Variants in PDE8B observed in about 807,000 individuals in gnomAD.
The protein encoded by PDE8B is high affinity cAMP-specific and IBMX-insensitive 3',5'-cyclic phosphodiesterase 8B.
Under a neutral mutation model 101.3 loss-of-function variants are expected in PDE8B, and 26 were observed. The observed-to-expected ratio is 0.26, with a 90% CI of 0.19 to 0.36. The LOEUF (loss-of-function observed/expected upper bound fraction) is 0.36, where lower values mean the gene tolerates loss of function less well. PDE8B is among the 10% of genes least tolerant of loss of function. The pLI, the probability that PDE8B is intolerant of heterozygous loss-of-function variation, is 1.00. For missense variants in PDE8B, 810 were observed against 1,163.1 expected, an observed-to-expected ratio of 0.70 and a Z score of 4.42; for synonymous variants, 424 against 429.3, an observed-to-expected ratio of 0.99 and a Z score of 0.15.
intron 17 of PDE8B, among the ~76,000 whole-genome samples, chr5:77,416,651 G>A (rs962449692): frequency 1.6e-4 from 25 of 152,240 alleles, no homozygotes; most frequent in African/African-American, 5.8e-4. Flanking sequence ...GGTCAGCGTT[G>A]GGAATGGAAA....
intron 8 of PDE8B, among the ~76,000 whole-genome samples, chr5:77,350,430 G>C (rs1780873331): frequency 6.6e-6 from 1 of 152,004 alleles, no homozygotes; most frequent in Middle Eastern, 3.2e-3. Flanking sequence ...GTGATAGAGG[G>C]GACAAGAAAT....
chr5:77,203,590 G>T, the PDE8B span, among the ~76,000 whole-genome samples: 2 of 152,062 alleles, frequency 1.3e-5, no homozygotes, highest in African/African-American at 4.8e-5. Flanking sequence ...TTAAATTCAC[G>T]TCCTCTGAGA....
chr5:77,400,870 A>AGG (rs75897490), intron 11 of PDE8B, among the ~76,000 whole-genome samples: 1 of 151,864 alleles, frequency 6.6e-6, no homozygotes, highest in Non-Finnish European at 1.5e-5. Flanking sequence ...TGACCATTAG[A>AGG]GGGAAAAAAA....
the PDE8B span, among the ~76,000 whole-genome samples, chr5:77,200,512 C>T: frequency 6.6e-6 from 1 of 152,102 alleles, no homozygotes; most frequent in Admixed American, 6.5e-5. Context: ...AAATTCACAA[C>T]CTTATATTTT....
At chr5:77,130,129 G>A in the PDE8B span, among the ~76,000 whole-genome samples, 2 of 152,032 alleles carry the variant, frequency 1.3e-5, no homozygotes, top group Non-Finnish European at 2.9e-5. Context: ...GGATATAATG[G>A]CAAACTGGAG....
intron 2 of PDE8B, among the ~76,000 whole-genome samples, chr5:77,324,461 G>A (rs959469982): frequency 5.3e-5 from 8 of 152,170 alleles, no homozygotes; most frequent in African/African-American, 1.9e-4. Flanking sequence ...GGTGGTGGTA[G>A]GGTAGTCTGT....
upstream of PDE8B, chr5:77,210,550 G>A: frequency 1.1e-6 from 1 of 886,180 alleles, no homozygotes; most frequent in Non-Finnish European, 1.4e-6. This position sits in a 1 kb window ranked among gnomAD's most constrained non-coding sequence, Gnocchi z 4.9. Context: ...GCGGGTGCGG[G>A]AGCCCGGCGA....
intron 6 of PDE8B, among the ~76,000 whole-genome samples, chr5:77,343,748 T>G (rs1407575422): frequency 1.3e-5 from 2 of 152,198 alleles, no homozygotes; most frequent in East Asian, 3.8e-4. Flanking sequence ...TTATAAACCT[T>G]TATATTTTTA....
the PDE8B span, among the ~76,000 whole-genome samples, chr5:77,152,340 A>T: frequency 6.6e-6 from 1 of 152,190 alleles, no homozygotes; most frequent in Non-Finnish European, 1.5e-5. Flanking sequence ...TTTTTTATCA[A>T]CTGAAAATGT....
At chr5:77,110,271 CT>C in the PDE8B span, among the ~76,000 whole-genome samples, 18 of 151,018 alleles carry the variant, frequency 1.2e-4, no homozygotes, top group African/African-American at 3.2e-4. Context: ...ATGGCCAGCG[CT>C]TTTTTTTTCT....
At chr5:77,200,798 C>T in the PDE8B span, among the ~76,000 whole-genome samples, 1 of 152,196 alleles carries the variant, frequency 6.6e-6, no homozygotes, top group African/African-American at 2.4e-5. Context: ...AGCTCTCTCA[C>T]ATCTTACTGA....
chr5:77,186,770 C>T, the PDE8B span, among the ~76,000 whole-genome samples: 9,166 of 151,996 alleles, frequency 0.06, 970 homozygotes, highest in African/African-American at 0.21. Context: ...TGAACCACAC[C>T]CTTCATCTTT....
chr5:77,406,061 C>T (rs561717712), intron 12 of PDE8B, among the ~76,000 whole-genome samples: 21 of 152,106 alleles, frequency 1.4e-4, no homozygotes, highest in African/African-American at 3.9e-4. Context: ...CTGAGGCAGG[C>T]GGATCACCTG....
the PDE8B span, among the ~76,000 whole-genome samples, chr5:77,097,697 A>ATATATC: frequency 1.7e-4 from 4 of 23,368 alleles, no homozygotes; most frequent in Admixed American, 1.5e-3. Context: ...ATATATCTAT[A>ATATATC]TATATATATC....
chr5:77,116,914 A>G, the PDE8B span, among the ~76,000 whole-genome samples: 1 of 152,090 alleles, frequency 6.6e-6, no homozygotes, highest in African/African-American at 2.4e-5. Flanking sequence ...TGAGAAAAGC[A>G]TTTCTTCTCT....
chr5:77,379,153 G>T (rs1028126846), intron 10 of PDE8B, among the ~76,000 whole-genome samples: 9 of 152,190 alleles, frequency 5.9e-5, no homozygotes, highest in African/African-American at 2.2e-4. Flanking sequence ...CAAGTACTGG[G>T]AGCTAAGAGA....
chr5:77,294,893 A>G (rs1350460479), intron 1 of PDE8B, among the ~76,000 whole-genome samples: 1 of 148,690 alleles, frequency 6.7e-6, no homozygotes, highest in Non-Finnish European at 1.5e-5. Flanking sequence ...ATATCTATCT[A>G]GATAGGTCCA....
At position 77,218,882 on chromosome 5, in the gene PDE8B, A is replaced by T. The variant is rs115742313; in HGVS notation, c.339+7618A>T. On this transcript the variant is annotated intron_variant, in intron 1 of 21. Coordinates refer to ENST00000264917, the MANE Select transcript of PDE8B (RefSeq NM_003719.5). ...TATTTTTGAAACATGTAATTTTTTT[A>T]ATGGAAAATATATCCGACACTTTCA... 3.8e-3 allele frequency among the ~76,000 whole-genome samples: 577 copies of T among 152,318 alleles called. 2 individuals are homozygous for T. Among genetic ancestry groups the T allele is most frequent in the African/African-American group, 0.013 (547 of 41,568 alleles).
At chr5:77,099,905 C>T in the PDE8B span, among the ~76,000 whole-genome samples, 7 of 152,140 alleles carry the variant, frequency 4.6e-5, no homozygotes, top group African/African-American at 1.2e-4. Flanking sequence ...CCACAACGCC[C>T]GGCCCGGGGT....
Sources: allele counts gnomAD v4.1 joint callset (sites outside exome capture counted in the v4.1 genomes callset), GRCh38; gene constraint gnomAD v4.1.1; non-coding constraint Gnocchi (gnomAD v3.1); transcripts MANE v1.5; gene names NCBI Gene and HGNC (gene_info 2026-07-23, HGNC 2026-07-21).